ZNF205: variants seen among roughly 807,000 people sequenced by gnomAD.
The protein encoded by ZNF205 is zinc finger protein 205.
Under a neutral mutation model 53.6 loss-of-function variants are expected in ZNF205, and 32 were observed. The observed-to-expected ratio is 0.60, with a 90% CI of 0.45 to 0.80. ZNF205 has a LOEUF of 0.80. ZNF205 is among the 30% of genes least tolerant of loss of function. The pLI, the probability that ZNF205 is intolerant of heterozygous loss-of-function variation, is 0.00. For missense variants in ZNF205, 836 were observed against 782.4 expected (o/e 1.07, Z -0.82); for synonymous variants, 382 against 334.3 (o/e 1.14, Z -1.56).
chr16:3,117,824 T>C (rs542127490), intron 5 of ZNF205, among the ~76,000 whole-genome samples: 163 of 151,208 alleles, frequency 1.1e-3, no homozygotes, highest in African/African-American at 4.0e-3. Flanking sequence ...CATTTATTCA[T>C]TTATTCATTC....
chr16:3,113,632 C>A (rs1233886948), intron 2 of ZNF205, 145 bp downstream of exon 2: 2 of 845,322 alleles, frequency 2.4e-6, no homozygotes, highest in East Asian at 2.9e-5. Flanking sequence ...TGGGTAGTAC[C>A]CTCTGTCTGG....
At chr16:3,116,632 C>T in intron 5 of ZNF205, 85 bp downstream of exon 5, 5 of 1,512,022 alleles carry the variant, frequency 3.3e-6, no homozygotes, top group African/African-American at 2.8e-5. Flanking sequence ...CCCTCCCTCT[C>T]TCTCCCACCC....
chr16:3,119,791 C>A lies in ZNF205; in HGVS notation c.1131C>A (p.Ser377=). 1 of 1,613,614 alleles carries A rather than the reference C, an allele frequency of 6.2e-7. No individual in the cohort carries two copies. The highest frequency in any genetic ancestry group is 8.5e-7 in the Non-Finnish European group (1 of 1,179,836). Residue 377 remains serine (S), a synonymous_variant, in exon 7 of 7, where the codon TCC becomes TCA. Transcript: ENST00000219091. ...PACRKSFSHH[S]TLIQHQRIHT... is the part of the protein sequence containing the mutation. ...GCCGGAAGAGCTTCAGCCACCACTCCACGCTGATTCAGCACCAGCGCATCC... is the reference window on the plus strand; with the variant it reads ...GCCGGAAGAGCTTCAGCCACCACTCAACGCTGATTCAGCACCAGCGCATCC...
intron 2 of ZNF205, 30 bp downstream of exon 2, chr16:3,113,517 G>T (rs912847394): frequency 1.2e-6 from 2 of 1,610,674 alleles, no homozygotes; most frequent in African/African-American, 1.3e-5. Flanking sequence ...AGGGAGGTGT[G>T]CGGTAGAAGA....
intron 3 of ZNF205, 23 bp from the exon 4 acceptor site, chr16:3,115,806 T>C (rs376045042): frequency 2.4e-5 from 39 of 1,597,256 alleles, no homozygotes; most frequent in South Asian, 2.1e-4. Flanking sequence ...CTGATCACCG[T>C]GAGGACCTCT....
intron 5 of ZNF205, 29 bp downstream of exon 5, chr16:3,116,576 G>A: frequency 6.2e-7 from 1 of 1,607,632 alleles, no homozygotes. Context: ...GGGGGACTGG[G>A]GTGTTAGGGA....
rs753340649 is a variant in ZNF205, at chr16:3,115,472, G to A, written c.175G>A (p.Glu59Lys). The A allele has an allele frequency of 2.8e-5, 45 of 1,611,442 alleles. No homozygotes were observed. The highest frequency in any genetic ancestry group is 1.6e-4 in the Middle Eastern group (1 of 6,072). ...IKMEPEEPHS[E>K]GASQEDGAQG... ...GATGGAGCCCGAAGAGCCACACTCC[G>A]AGGGGGCATCGCAGGAGGATGGGGC... Residue 59 changes from glutamate (E) to lysine (K), a missense_variant, in exon 3 of 7, where the codon GAG becomes AAG. Glu to Lys is a moderately conservative substitution (Grantham distance 56). Coordinates refer to ENST00000219091, the MANE Select transcript of ZNF205 (RefSeq NM_001042428.2).
chr16:3,118,927 C>A lies in ZNF205; in HGVS notation c.507C>A (p.Phe169Leu). 1.9e-6 allele frequency: 3 copies of A among 1,613,630 alleles called. No individual in the cohort carries two copies. Among genetic ancestry groups the A allele is most frequent in the Non-Finnish European group, 1.7e-6 (2 of 1,179,966 alleles). Reference protein sequence around the residue: ...LSLGFPFSRPFWAPQAHGKGE... With the variant: ...LSLGFPFSRPLWAPQAHGKGE... ...CAGGCTTTCCCTTCAGCAGGCCTTT[C>A]TGGGCCCCTCAAGCGCACGGCAAGG... The change falls in exon 6 of 7, where the codon TTC becomes TTA. Residue 169 changes from phenylalanine (F) to leucine (L), a missense_variant. Transcript: ENST00000219091.
Position 3,119,882 on chromosome 16 carries a change from G to C in ZNF205, c.1222G>C (p.Val408Leu), listed in dbSNP as rs1957400863. 1 of 1,613,388 alleles carries C rather than the reference G, an allele frequency of 6.2e-7. No individual in the cohort carries two copies. The highest frequency in any genetic ancestry group is 1.3e-5 in the African/African-American group (1 of 74,974). ...AKRFTRRSDL[V>L]THQGTHTGAK... Reference sequence around the variant, plus strand: ...GCGCTTCACCCGCCGCTCGGACTTGGTCACCCACCAGGGCACCCACACGGG... The same window carrying C: ...GCGCTTCACCCGCCGCTCGGACTTGCTCACCCACCAGGGCACCCACACGGG... Residue 408 changes from valine to leucine, a missense_variant, in exon 7 of 7, where the codon GTC becomes CTC. Transcript: ENST00000219091.
At chr16:3,119,076 T>G in intron 6 of ZNF205, 61 bp downstream of exon 6, 1 of 1,582,488 alleles carries the variant, frequency 6.3e-7, no homozygotes, top group Non-Finnish European at 8.6e-7. Context: ...GCCTTCTGGC[T>G]GTTGTCTGTG....
chr16:3,116,004 GC>G, intron 4 of ZNF205, 84 bp downstream of exon 4: 5 of 1,412,588 alleles, frequency 3.5e-6, no homozygotes, highest in Non-Finnish European at 3.9e-6. Flanking sequence ...GACCCCGCTG[GC>G]CCCACTTGCA....
intron 5 of ZNF205, among the ~76,000 whole-genome samples, chr16:3,117,645 A>G (rs1425208796): frequency 6.7e-6 from 1 of 149,680 alleles, no homozygotes; most frequent in Admixed American, 6.7e-5. Flanking sequence ...TAGAAATGGG[A>G]TCTCGCTATG....
In ZNF205 at chr16:3,119,342, G is replaced by C. The variant is rs766100629; in HGVS notation, c.682G>C (p.Val228Leu). The C allele has an allele frequency of 1.2e-6, 2 of 1,612,858 alleles. No homozygotes were observed. The highest frequency in any genetic ancestry group is 8.5e-7 in the Non-Finnish European group (1 of 1,179,812). ...VKPFRTRAGR[V>L]QWGVPQCAQE... ...GCCCTTCAGAACCAGGGCAGGGAGAGTCCAGTGGGGCGTCCCGCAGTGCGC... is the reference window on the plus strand; with the variant it reads ...GCCCTTCAGAACCAGGGCAGGGAGACTCCAGTGGGGCGTCCCGCAGTGCGC... The change falls in exon 7 of 7, where the codon GTC (valine) becomes CTC (leucine). Residue 228 changes from valine to leucine, a missense_variant. By Grantham distance (32) the Val-to-Leu change is conservative (BLOSUM62 1). Coordinates refer to ENST00000219091, the MANE Select transcript of ZNF205 (RefSeq NM_001042428.2).
At position 3,120,014 on chromosome 16, in the gene ZNF205, G is replaced by T. The variant is rs766503250; in HGVS notation, c.1354G>T (p.Glu452Ter). ...HTGVKPYPCP[E>*]CGKCFSQRSN... ...TGGGGTCAAGCCCTATCCGTGCCCCGAGTGCGGCAAGTGCTTCAGCCAGCG... is the reference window on the plus strand; with the variant it reads ...TGGGGTCAAGCCCTATCCGTGCCCCTAGTGCGGCAAGTGCTTCAGCCAGCG... The change falls in exon 7 of 7, where the codon GAG becomes TAG. Residue 452 changes from glutamate (E) to a stop codon, truncating the protein, a stop_gained. Coordinates refer to ENST00000219091, the MANE Select transcript of ZNF205 (RefSeq NM_001042428.2). LOFTEE classifies it high-confidence loss of function. 6.2e-7 allele frequency: 1 copy of T among 1,612,560 alleles called. No homozygotes were observed. The highest frequency in any genetic ancestry group is 8.5e-7 in the Non-Finnish European group (1 of 1,179,558).
rs777151935 is a variant in ZNF205 at position 3,119,794 on chromosome 16, G to A, written c.1134G>A (p.Thr378=). Residue 378 remains threonine, a synonymous_variant, in exon 7 of 7, where the codon ACG becomes ACA. Coordinates refer to ENST00000219091, the MANE Select transcript of ZNF205 (RefSeq NM_001042428.2). ...GGAAGAGCTTCAGCCACCACTCCAC[G>A]CTGATTCAGCACCAGCGCATCCACA... is the stretch of plus-strand genomic sequence containing the variant. ...ACRKSFSHHS[T]LIQHQRIHTG... is the part of the protein sequence containing the mutation. 4 of 1,612,894 alleles carry A rather than the reference G, an allele frequency of 2.5e-6. No homozygotes were observed. Among genetic ancestry groups the A allele is most frequent in the Non-Finnish European group, 3.4e-6 (4 of 1,179,658 alleles).
At chr16:3,118,212 G>T (rs1027279052) in intron 5 of ZNF205, among the ~76,000 whole-genome samples, 1 of 151,848 alleles carries the variant, frequency 6.6e-6, no homozygotes, top group Non-Finnish European at 1.5e-5. Context: ...AGCATTCCAG[G>T]TGGTGGCATC....
In ZNF205 at chr16:3,119,638, C is replaced by T; in HGVS notation, c.978C>T (p.His326=). 3 of 1,612,130 alleles carry T rather than the reference C, an allele frequency of 1.9e-6. No homozygotes were observed. Among genetic ancestry groups the T allele is most frequent in the Non-Finnish European group, 1.7e-6 (2 of 1,179,452 alleles). ...GFSWHSHLVT[H]RRTHTGEKPY... ...GCTGGCACTCGCACCTGGTGACGCACCGGCGCACGCACACGGGCGAGAAGC... is the reference window on the plus strand; with the variant it reads ...GCTGGCACTCGCACCTGGTGACGCATCGGCGCACGCACACGGGCGAGAAGC... Residue 326 remains histidine (H), a synonymous_variant, in exon 7 of 7, where the codon CAC becomes CAT. Coordinates refer to ENST00000219091, the MANE Select transcript of ZNF205 (RefSeq NM_001042428.2).
rs767773409 is a variant in ZNF205 at position 3,116,544 on chromosome 16, C to T, written c.481C>T (p.Leu161=). The T allele has an allele frequency of 3.7e-6, 6 of 1,613,712 alleles. No individual in the cohort carries two copies. Among genetic ancestry groups the T allele is most frequent in the South Asian group, 1.1e-5 (1 of 91,020 alleles). The part of the protein sequence containing the change: ...DVLQKKNGLS[L]GFPFSRPFWA... ...CCTGCAGAAGAAAAATGGGCTGTCA[C>T]TGGGTAAGCACTCGCCTGGAGGGGG... is the stretch of plus-strand genomic sequence containing the variant. The change falls in exon 5 of 7, where the codon CTG becomes TTG. Residue 161 remains leucine (L), a synonymous_variant. Coordinates refer to ENST00000219091, the MANE Select transcript of ZNF205 (RefSeq NM_001042428.2).
intron 6 of ZNF205, 29 bp downstream of exon 6, chr16:3,119,044 C>A: frequency 6.8e-6 from 11 of 1,605,936 alleles, no homozygotes; most frequent in Non-Finnish European, 9.4e-6. Context: ...CCTTTGTCTG[C>A]GGGAGTGGGG....
Sources: gnomAD v4.1 joint callset for allele counts (sites outside exome capture counted in the v4.1 genomes callset) on GRCh38, gnomAD v4.1.1 for gene constraint, MANE v1.5 for transcripts, NCBI Gene and HGNC (gene_info 2026-07-23, HGNC 2026-07-21) for gene names.